The following CFAP299 variants were observed in gnomAD, a reference collection of about 807,000 sequenced individuals.
The protein encoded by CFAP299 is cilia- and flagella-associated protein 299.
CFAP299 carries 21 observed loss-of-function variants against 27.0 expected under a neutral mutation model. That is an observed-to-expected ratio of 0.78 (90% CI 0.55 to 1.12). The LOEUF (loss-of-function observed/expected upper bound fraction) is 1.12. CFAP299 is among the 50% of genes most tolerant of loss of function. The pLI, the probability that CFAP299 is intolerant of heterozygous loss-of-function variation, is 0.00. For synonymous variants in CFAP299, 104 were observed against 98.1 expected, an observed-to-expected ratio of 1.06 and a Z score of -0.36; for missense variants, 310 against 276.6, an observed-to-expected ratio of 1.12 and a Z score of -0.86.
intron 3 of CFAP299, among the ~76,000 whole-genome samples, chr4:80,595,143 C>A (rs1273400297): frequency 3.3e-5 from 5 of 152,080 alleles, no homozygotes; most frequent in Admixed American, 3.3e-4. Flanking sequence ...CAACTGAACT[C>A]CTTGTTTTAG....
At chr4:80,499,043 C>T (rs1731601805) in intron 2 of CFAP299, among the ~76,000 whole-genome samples, 1 of 152,024 alleles carries the variant, frequency 6.6e-6, no homozygotes, top group African/African-American at 2.4e-5. Flanking sequence ...GAACTAAACC[C>T]TGAGTACACA....
At chr4:80,902,889 CAT>C (rs956813895) in intron 4 of CFAP299, among the ~76,000 whole-genome samples, 27 of 150,874 alleles carry the variant, frequency 1.8e-4, no homozygotes, top group African/African-American at 5.3e-4. Context: ...GAGTCTTGTA[CAT>C]ATATATATAT....
chr4:80,657,508 T>A (rs769752536), intron 3 of CFAP299, among the ~76,000 whole-genome samples: 12 of 152,298 alleles, frequency 7.9e-5, no homozygotes, highest in Middle Eastern at 6.8e-3. Context: ...TGCTTTTTTT[T>A]GTCAGGTTTG....
chr4:80,608,309 A>G, intron 3 of CFAP299: 1 of 1,502,006 alleles, frequency 6.7e-7, no homozygotes, highest in Non-Finnish European at 8.9e-7. Context: ...CCTCAGTTGG[A>G]TTTCCCCTTT....
intron 3 of CFAP299, among the ~76,000 whole-genome samples, chr4:80,732,620 C>T (rs1723603654): frequency 6.6e-6 from 1 of 152,046 alleles, no homozygotes; most frequent in Non-Finnish European, 1.5e-5. Flanking sequence ...ACTCTTCTCT[C>T]TTCAAGATCA....
intron 3 of CFAP299, among the ~76,000 whole-genome samples, chr4:80,732,836 G>A (rs548655937): frequency 1.3e-5 from 2 of 152,190 alleles, no homozygotes; most frequent in South Asian, 2.1e-4. Context: ...AAGCAAAAAG[G>A]AAGAACTTCA....
intron 3 of CFAP299, among the ~76,000 whole-genome samples, chr4:80,744,367 C>A (rs1724460867): frequency 7.3e-6 from 1 of 137,858 alleles, no homozygotes; most frequent in Non-Finnish European, 1.5e-5. Flanking sequence ...CAAACCTGAT[C>A]AGCCAGCCCA....
intron 3 of CFAP299, among the ~76,000 whole-genome samples, chr4:80,832,512 G>A (rs904781162): frequency 4.0e-5 from 6 of 151,684 alleles, no homozygotes; most frequent in African/African-American, 1.5e-4. Flanking sequence ...TGGAGCAGCT[G>A]GTTTCAAAAA....
At chr4:80,425,637 G>C (rs888636404) in intron 2 of CFAP299, among the ~76,000 whole-genome samples, 1 of 152,186 alleles carries the variant, frequency 6.6e-6, no homozygotes, top group African/African-American at 2.4e-5. Context: ...CCCATGAAAG[G>C]GAAACTTGCC....
chr4:80,591,180 G>C (rs1289399748), intron 3 of CFAP299, among the ~76,000 whole-genome samples: 1 of 133,932 alleles, frequency 7.5e-6, no homozygotes, highest in Non-Finnish European at 1.5e-5. Flanking sequence ...CTGGAGTGCA[G>C]TGGCGGGATC....
At chr4:80,617,474 AATG>A (rs1195884793) in intron 3 of CFAP299, among the ~76,000 whole-genome samples, 1 of 152,194 alleles carries the variant, frequency 6.6e-6, no homozygotes, top group Non-Finnish European at 1.5e-5. Flanking sequence ...GAACTCACCA[AATG>A]ATCAGTCTGG....
chr4:80,530,482 A>G (rs1733411090), intron 2 of CFAP299, among the ~76,000 whole-genome samples: 1 of 152,122 alleles, frequency 6.6e-6, no homozygotes, highest in South Asian at 2.1e-4. Context: ...AAGGCTTTTC[A>G]TCTTTTCATC....
intron 3 of CFAP299, among the ~76,000 whole-genome samples, chr4:80,859,759 G>T (rs1330231382): frequency 6.6e-6 from 1 of 152,148 alleles, no homozygotes; most frequent in Non-Finnish European, 1.5e-5. Flanking sequence ...CTGGCTTGTA[G>T]AGTTTCTGCT....
chr4:80,907,602 T>C (rs1735247761), intron 4 of CFAP299, among the ~76,000 whole-genome samples: 1 of 152,118 alleles, frequency 6.6e-6, no homozygotes, highest in African/African-American at 2.4e-5. Context: ...CTTCTTCACA[T>C]GGCAGCAGGA....
At chr4:80,832,810 A>G (rs895073018) in intron 3 of CFAP299, among the ~76,000 whole-genome samples, 2 of 152,162 alleles carry the variant, frequency 1.3e-5, no homozygotes, top group Admixed American at 6.5e-5. Context: ...TAGAATTTCA[A>G]TATAAATTGC....
intron 2 of CFAP299, among the ~76,000 whole-genome samples, chr4:80,397,778 A>T (rs940271243): frequency 6.6e-6 from 1 of 152,224 alleles, no homozygotes; most frequent in Non-Finnish European, 1.5e-5. Context: ...AACTGGCACA[A>T]GACAGGGATG....
intron 2 of CFAP299, among the ~76,000 whole-genome samples, chr4:80,511,374 A>G (rs1732295159): frequency 6.6e-6 from 1 of 152,226 alleles, no homozygotes; most frequent in Non-Finnish European, 1.5e-5. Context: ...ATTTTTTAGT[A>G]CAATCCAGCT....
rs1297628462 is a variant in CFAP299 at position 80,901,229 on chromosome 4, C to A, written c.476+31094C>A. ...TGAAATGTAATTTTAGTTACAGAAT[C>A]TATTCCTGTAGCATATGACTAGAAC... On this transcript the variant is annotated intron_variant, in intron 4 of 5. Transcript: ENST00000358105. Among the ~76,000 whole-genome samples, 4 of 152,128 alleles carry A rather than the reference C, an allele frequency of 2.6e-5. No homozygotes were observed. In the East Asian group the frequency reaches 5.8e-4, roughly 22 times the overall value.
chr4:80,764,397 T>C (rs1041040851), intron 3 of CFAP299, among the ~76,000 whole-genome samples: 1 of 152,128 alleles, frequency 6.6e-6, no homozygotes, highest in African/African-American at 2.4e-5. Flanking sequence ...CACAACGAGA[T>C]ACCATCTCAC....
Sources: gnomAD v4.1 joint callset for allele counts (sites outside exome capture counted in the v4.1 genomes callset) on GRCh38, gnomAD v4.1.1 for gene constraint, MANE v1.5 for transcripts, NCBI Gene and HGNC (gene_info 2026-07-23, HGNC 2026-07-21) for gene names.